The following ADGRV1 variants were observed in gnomAD, a reference collection of about 807,000 sequenced individuals.
The protein encoded by ADGRV1 is adhesion G protein-coupled receptor V1, also known as G-protein coupled receptor 98.
A neutral mutation model predicts 596.2 loss-of-function variants in ADGRV1; 359 were observed. That is an observed-to-expected ratio of 0.60 (90% CI 0.55 to 0.66). The LOEUF (loss-of-function observed/expected upper bound fraction) is 0.66, where lower values mean the gene tolerates loss of function less well. ADGRV1 is among the 30% of genes least tolerant of loss of function. The pLI, the probability that ADGRV1 is intolerant of heterozygous loss-of-function variation, is 0.00. For missense variants in ADGRV1, 7,274 were observed against 7,575.6 expected (o/e 0.96, Z 1.48); for synonymous variants, 2,681 against 2,679.2 (o/e 1.00, Z -0.02).
chr5:90,790,768 A>G (rs1282971105), intron 69 of ADGRV1, 105 bp from the exon 70 acceptor site: 1 of 732,824 alleles, frequency 1.4e-6, no homozygotes, highest in Admixed American at 3.0e-5. Flanking sequence ...GTGATGCACA[A>G]TTATATTTTT....
chr5:90,599,458 C>G (rs1025176535), intron 1 of ADGRV1, among the ~76,000 whole-genome samples: 1 of 152,198 alleles, frequency 6.6e-6, no homozygotes, highest in Admixed American at 6.5e-5. Context: ...TGAGTTTACC[C>G]TGGAGTTAGT....
chr5:90,975,072 T>A (rs1176438430), intron 84 of ADGRV1, among the ~76,000 whole-genome samples: 1 of 152,024 alleles, frequency 6.6e-6, no homozygotes, highest in Non-Finnish European at 1.5e-5. Context: ...AAATAAGACA[T>A]TTATGCAGCC....
At chr5:90,583,942 T>C (rs1758403049) in intron 1 of ADGRV1, among the ~76,000 whole-genome samples, 1 of 152,230 alleles carries the variant, frequency 6.6e-6, no homozygotes, top group Admixed American at 6.5e-5. Context: ...TTAGTAAGAT[T>C]TCTTTGTTAA....
In ADGRV1 at chr5:90,558,889, C is replaced by G; in HGVS notation, c.-7C>G. ...GAGGGCCGGCGGGGACCGCCGGGAG[C>G]GCGCGGATGTCGGTGTTCCTGGGGC... On this transcript the variant is annotated 5_prime_UTR_variant, in exon 1 of 90. Transcript: ENST00000405460. 6.4e-7 allele frequency: 1 copy of G among 1,559,474 alleles called. No homozygotes were observed. The highest frequency in any genetic ancestry group is 8.7e-7 in the Non-Finnish European group (1 of 1,151,122).
intron 1 of ADGRV1, among the ~76,000 whole-genome samples, chr5:90,589,336 A>C (rs1455741362): frequency 6.6e-6 from 1 of 152,186 alleles, no homozygotes; most frequent in Non-Finnish European, 1.5e-5. Flanking sequence ...GAATTCTGTT[A>C]ATGGCTTCCT....
At chr5:90,602,218 T>A (rs1169166027) in intron 1 of ADGRV1, among the ~76,000 whole-genome samples, 1 of 152,186 alleles carries the variant, frequency 6.6e-6, no homozygotes, top group Non-Finnish European at 1.5e-5. Context: ...CGATGCCTGG[T>A]ACAGTTTTTA....
At chr5:90,954,341 G>C (rs1777295819) in intron 83 of ADGRV1, among the ~76,000 whole-genome samples, 1 of 151,966 alleles carries the variant, frequency 6.6e-6, no homozygotes, top group African/African-American at 2.4e-5. Flanking sequence ...TTATACGTTA[G>C]AAAATACTAA....
chr5:90,789,624 G>A (rs1228225192), intron 68 of ADGRV1, 78 bp from the exon 69 acceptor site: 1 of 826,064 alleles, frequency 1.2e-6, no homozygotes, highest in Non-Finnish European at 1.8e-6. Flanking sequence ...CAGCTTCTCT[G>A]TTTGTTAATA....
intron 83 of ADGRV1, among the ~76,000 whole-genome samples, chr5:90,894,534 C>T (rs563778433): frequency 1.2e-4 from 18 of 152,248 alleles, no homozygotes; most frequent in African/African-American, 4.3e-4. Flanking sequence ...AGCAGATTAA[C>T]AAATTTTGAC....
At chr5:90,805,484 G>A (rs1761817235) in intron 72 of ADGRV1, 26 bp downstream of exon 72, 1 of 1,534,798 alleles carries the variant, frequency 6.5e-7, no homozygotes. Context: ...TCTAAGATGA[G>A]TCCTGTAGAA....
chr5:90,615,853 T>C (rs1316010006), intron 2 of ADGRV1, among the ~76,000 whole-genome samples: 1 of 152,012 alleles, frequency 6.6e-6, no homozygotes, highest in South Asian at 2.1e-4. Flanking sequence ...CAGGTTCCTT[T>C]ATCATTTTCA....
At chr5:91,053,944 G>A (rs1027564684) in intron 85 of ADGRV1, among the ~76,000 whole-genome samples, 1 of 152,188 alleles carries the variant, frequency 6.6e-6, no homozygotes. Flanking sequence ...ATGAATAGCA[G>A]TCATGTAGAA....
chr5:91,028,483 C>CT (rs1562110904), intron 85 of ADGRV1, among the ~76,000 whole-genome samples: 1 of 152,044 alleles, frequency 6.6e-6, no homozygotes, highest in African/African-American at 2.4e-5. Context: ...TCATTTTGCT[C>CT]TTTTTTGTCC....
In ADGRV1 at chr5:91,149,766, G is replaced by C. The variant is rs77716316; in HGVS notation, c.18433-264G>C. On this transcript the variant is annotated intron_variant, in intron 87 of 89. Coordinates refer to ENST00000405460, the MANE Select transcript of ADGRV1 (RefSeq NM_032119.4). ...GAGAATCACTTGAGTCTGAGAGGCA[G>C]AAGTGCAGTGAGCCAAGATCATGCC... is the stretch of plus-strand genomic sequence containing the variant. Among the ~76,000 whole-genome samples the C allele has an allele frequency of 5.1e-3, 682 of 134,076 alleles. 46 individuals are homozygous for C. In the East Asian group the frequency reaches 0.13, roughly 25 times the overall value. The allele number at this position is 134,076 out of a possible 152,430, so 88.0% of individuals were successfully genotyped here.
In ADGRV1 at chr5:90,805,433, T is replaced by G. The variant is rs771781628; in HGVS notation, c.14811T>G (p.Val4937=). 2.5e-6 allele frequency: 4 copies of G among 1,592,584 alleles called. No homozygotes were observed. Among genetic ancestry groups the G allele is most frequent in the Non-Finnish European group, 3.4e-6 (4 of 1,162,636 alleles). The change falls in exon 72 of 90, where the codon GTT becomes GTG. Residue 4937 remains valine (V), a synonymous_variant. Coordinates refer to ENST00000405460, the MANE Select transcript of ADGRV1 (RefSeq NM_032119.4). The part of the protein sequence containing the change: ...APGLEIPEFI[V]VGNMTPTLGS... ...GGTTAGAAATTCCTGAATTCATTGT[T>G]GTTGGCAACATGACCCCAACACTGG...
At chr5:91,147,240 C>T (rs1795623119) in intron 87 of ADGRV1, among the ~76,000 whole-genome samples, 1 of 147,296 alleles carries the variant, frequency 6.8e-6, no homozygotes, top group African/African-American at 2.5e-5. Context: ...ATTACATTGA[C>T]TAAATTTTTT....
chr5:91,074,076 C>T (rs1431523396), intron 86 of ADGRV1, among the ~76,000 whole-genome samples: 1 of 152,208 alleles, frequency 6.6e-6, no homozygotes, highest in African/African-American at 2.4e-5. Flanking sequence ...TCTACTTTTT[C>T]ACGGGACACA....
intron 85 of ADGRV1, among the ~76,000 whole-genome samples, chr5:91,043,901 C>A (rs1241473928): frequency 6.6e-6 from 1 of 151,720 alleles, no homozygotes; most frequent in East Asian, 1.9e-4. Context: ...CCTTGACCAC[C>A]ATCCAATATT....
intron 34 of ADGRV1, 123 bp from the exon 35 acceptor site, chr5:90,703,542 C>T: frequency 3.1e-6 from 2 of 635,982 alleles, no homozygotes; most frequent in Non-Finnish European, 5.2e-6. Flanking sequence ...AACAAAACAG[C>T]TTTGTAATGT....
Sources: gnomAD v4.1 joint callset for allele counts (sites outside exome capture counted in the v4.1 genomes callset) on GRCh38, gnomAD v4.1.1 for gene constraint, MANE v1.5 for transcripts, NCBI Gene and HGNC (gene_info 2026-07-23, HGNC 2026-07-21) for gene names.